The following GLIS3 variants were observed in gnomAD, a reference collection of about 807,000 sequenced individuals.
The protein encoded by GLIS3 is zinc finger protein GLIS3.
In GLIS3, 53 loss-of-function variants were observed where a neutral mutation model predicts 78.6. The observed-to-expected ratio is 0.67, with a 90% CI of 0.54 to 0.85. The LOEUF (loss-of-function observed/expected upper bound fraction) is 0.85. Among genes scored for constraint, GLIS3 ranks in the 40% least tolerant of loss-of-function variants. The pLI, the probability that GLIS3 is intolerant of heterozygous loss-of-function variation, is 0.00. For missense variants in GLIS3, 1,703 were observed against 1,231.1 expected (o/e 1.38, Z -5.74); for synonymous variants, 684 against 509.9 (o/e 1.34, Z -4.60).
At chr9:4,403,455 C>G in the GLIS3 span, among the ~76,000 whole-genome samples, 6 of 152,084 alleles carry the variant, frequency 3.9e-5, no homozygotes, top group African/African-American at 1.4e-4. Flanking sequence ...ACTCTTGTTT[C>G]AAGTAGAAAG....
chr9:4,435,463 C>T, the GLIS3 span, among the ~76,000 whole-genome samples: 2 of 152,156 alleles, frequency 1.3e-5, no homozygotes, highest in Non-Finnish European at 1.5e-5. Flanking sequence ...AGACCAATTC[C>T]CTTTCCCTTC....
At chr9:4,336,053 C>A (rs772150216) in intron 2 of GLIS3, among the ~76,000 whole-genome samples, 2 of 152,128 alleles carry the variant, frequency 1.3e-5, no homozygotes, top group Admixed American at 6.5e-5. Flanking sequence ...AGTCATTACA[C>A]CTCTGTGGGC....
At chr9:4,254,877 G>C (rs1410802567) in intron 2 of GLIS3, among the ~76,000 whole-genome samples, 1 of 151,222 alleles carries the variant, frequency 6.6e-6, no homozygotes, top group Non-Finnish European at 1.5e-5. Flanking sequence ...AAACTGCTTT[G>C]TGACAGACAC....
intron 4 of GLIS3, among the ~76,000 whole-genome samples, chr9:3,961,944 C>T (rs912498013): frequency 2.0e-5 from 3 of 152,174 alleles, no homozygotes; most frequent in Non-Finnish European, 4.4e-5. Context: ...GTGGCTCACA[C>T]CTGTGATCCT....
Position 4,118,703 on chromosome 9 carries a change from A to T in GLIS3, c.775T>A (p.Ser259Thr). The T allele has an allele frequency of 1.2e-6, 2 of 1,614,066 alleles. No individual in the cohort carries two copies. The highest frequency in any genetic ancestry group is 1.7e-6 in the Non-Finnish European group (2 of 1,180,032). The change falls in exon 4 of 11, where the codon TCC (serine) becomes ACC (threonine). Residue 259 changes from serine (S) to threonine (T), a missense_variant. Coordinates refer to ENST00000381971, the MANE Select transcript of GLIS3 (RefSeq NM_001042413.2). The surrounding 1 kb of genome is among the most constrained non-coding windows in gnomAD (Gnocchi z 4.7). ...TTAGAGACACTATTGCTGGACATGGATGTCCCGGGAGGAAGGCTAAGGAGA... is the reference window on the plus strand; with the variant it reads ...TTAGAGACACTATTGCTGGACATGGTTGTCCCGGGAGGAAGGCTAAGGAGA... ...GDLLSLPPGT[S>T]MSSNSVSNSL...
At chr9:4,383,559 T>C in the GLIS3 span, among the ~76,000 whole-genome samples, 1 of 152,192 alleles carries the variant, frequency 6.6e-6, no homozygotes, top group Non-Finnish European at 1.5e-5. Flanking sequence ...GCAGTTTCTA[T>C]ACAAGCTCAA....
intron 4 of GLIS3, among the ~76,000 whole-genome samples, chr9:4,041,773 C>T (rs1379570069): frequency 2.6e-5 from 4 of 152,206 alleles, no homozygotes; most frequent in Admixed American, 6.5e-5. Flanking sequence ...CCCAACCCCA[C>T]TTCATGTCTC....
At position 3,947,675 on chromosome 9, in the gene GLIS3, G is replaced by A. The variant is rs544015210; in HGVS notation, c.1711-10486C>T. Among the ~76,000 whole-genome samples, 4 of 152,338 alleles carry A rather than the reference G, an allele frequency of 2.6e-5. No individual in the cohort carries two copies. The South Asian group carries it at 6.2e-4, about 24-fold the overall frequency. On this transcript the variant is annotated intron_variant, in intron 4 of 10. Coordinates refer to ENST00000381971, the MANE Select transcript of GLIS3 (RefSeq NM_001042413.2). Reference sequence around the variant, plus strand: ...CCACACTGAGTTTATTCCAAAAAACGGAGTGCAAGATGCCAAATTTTTAAT... The same window carrying A: ...CCACACTGAGTTTATTCCAAAAAACAGAGTGCAAGATGCCAAATTTTTAAT...
At chr9:4,184,370 A>G (rs185249568) in intron 2 of GLIS3, among the ~76,000 whole-genome samples, 3 of 152,364 alleles carry the variant, frequency 2.0e-5, no homozygotes, top group East Asian at 3.9e-4. Flanking sequence ...TCATGCAGCA[A>G]CCAAATAAAG....
intron 7 of GLIS3, among the ~76,000 whole-genome samples, chr9:3,885,323 C>T (rs1822000000): frequency 6.6e-6 from 1 of 152,156 alleles, no homozygotes; most frequent in African/African-American, 2.4e-5. Context: ...CAATAATGCA[C>T]CAAGGGGAGG....
rs80208188 is a variant in GLIS3 at position 3,977,915 on chromosome 9, T to C, written c.1711-40726A>G. ...AGCAATGAAATGCTGCTAACTTTTATTTGTGAGTGTGAAATGGTAATATTT... is the reference window on the plus strand; with the variant it reads ...AGCAATGAAATGCTGCTAACTTTTACTTGTGAGTGTGAAATGGTAATATTT... On this transcript the variant is annotated intron_variant, in intron 4 of 10. Transcript: ENST00000381971. This position sits in a 1 kb window ranked among gnomAD's most constrained non-coding sequence, Gnocchi z 4.1. Among the ~76,000 whole-genome samples, 2,801 of 152,304 alleles carry C rather than the reference T, an allele frequency of 0.018. 36 individuals carry two copies. The highest frequency in any genetic ancestry group is 0.027 in the Middle Eastern group (8 of 294).
chr9:4,274,752 A>G (rs1826832348), intron 2 of GLIS3, among the ~76,000 whole-genome samples: 1 of 152,200 alleles, frequency 6.6e-6, no homozygotes, highest in African/African-American at 2.4e-5. Context: ...GTGACTGCTC[A>G]CACATCCATG....
At chr9:4,022,154 G>A (rs1220873793) in intron 4 of GLIS3, among the ~76,000 whole-genome samples, 3 of 151,986 alleles carry the variant, frequency 2.0e-5, no homozygotes, top group African/African-American at 7.3e-5. Context: ...TCTTACAGCA[G>A]CCTGCTAAAA....
At chr9:3,842,096 A>T (rs1229567259) in intron 9 of GLIS3, among the ~76,000 whole-genome samples, 1 of 152,240 alleles carries the variant, frequency 6.6e-6, no homozygotes, top group Non-Finnish European at 1.5e-5. Context: ...TTCATGGATT[A>T]CTAAAAGGAA....
the GLIS3 span, among the ~76,000 whole-genome samples, chr9:4,422,641 G>A: frequency 5.3e-5 from 8 of 152,308 alleles, no homozygotes; most frequent in South Asian, 8.3e-4. Context: ...CCAGTCTACC[G>A]GGGGAAGTCA....
At chr9:4,351,396 C>CAAA (rs5896064), upstream of GLIS3, among the ~76,000 whole-genome samples, 5 of 113,460 alleles carry the variant, frequency 4.4e-5, no homozygotes, top group Admixed American at 8.8e-5. Flanking sequence ...CAGAGTGTCT[C>CAAA]AAAAAAAAAA....
the GLIS3 span, among the ~76,000 whole-genome samples, chr9:4,383,325 A>G: frequency 4.6e-5 from 7 of 152,216 alleles, no homozygotes; most frequent in African/African-American, 1.7e-4. Flanking sequence ...CATTTTCCAT[A>G]ACATTTGGAA....
chr9:4,369,186 TTAA>T, the GLIS3 span, among the ~76,000 whole-genome samples: 2 of 152,132 alleles, frequency 1.3e-5, no homozygotes, highest in Non-Finnish European at 1.5e-5. Context: ...TCCTCCCATT[TTAA>T]TAATGTCTGA....
intron 2 of GLIS3, 104 bp downstream of exon 2, chr9:4,285,934 G>A (rs760555526): frequency 1.5e-6 from 2 of 1,361,822 alleles, no homozygotes; most frequent in South Asian, 1.2e-5. Context: ...CTTTGACCCT[G>A]ACACTGAATC....
Sources: allele counts gnomAD v4.1 joint callset (sites outside exome capture counted in the v4.1 genomes callset), GRCh38; gene constraint gnomAD v4.1.1; non-coding constraint Gnocchi (gnomAD v3.1); transcripts MANE v1.5; gene names NCBI Gene and HGNC (gene_info 2026-07-23, HGNC 2026-07-21).